TBCK: variants seen among roughly 807,000 people sequenced by gnomAD.
TBCK encodes TBC domain-containing protein kinase-like protein.
TBCK carries 99 observed loss-of-function variants against 113.4 expected under a neutral mutation model. That is an observed-to-expected ratio of 0.87 (90% CI 0.74 to 1.03). TBCK has a LOEUF of 1.03. Ranked by LOEUF, TBCK falls within the 50% of genes least tolerant of loss-of-function variation. TBCK has a pLI of 0.00. For missense variants in TBCK, 1,045 were observed against 1,061.3 expected, an observed-to-expected ratio of 0.98 and a Z score of 0.21; for synonymous variants, 369 against 370.8, an observed-to-expected ratio of 1.00 and a Z score of 0.05.
intron 5 of TBCK, among the ~76,000 whole-genome samples, chr4:106,256,691 C>A (rs1191860992): frequency 6.6e-6 from 1 of 152,144 alleles, no homozygotes; most frequent in Non-Finnish European, 1.5e-5. Context: ...CTCCTGCCTG[C>A]TCCTGGCCCC....
chr4:106,074,053 C>T (rs1737861178), intron 25 of TBCK, among the ~76,000 whole-genome samples: 1 of 152,186 alleles, frequency 6.6e-6, no homozygotes, highest in South Asian at 2.1e-4. Context: ...GGAAATCCCC[C>T]AACCCCCTGC....
At chr4:106,086,312 A>C (rs938419181) in intron 25 of TBCK, among the ~76,000 whole-genome samples, 11 of 152,226 alleles carry the variant, frequency 7.2e-5, no homozygotes, top group African/African-American at 2.7e-4. Context: ...ATCTCTATGC[A>C]AAGAAACTAG....
At chr4:106,195,307 T>C (rs1754085158) in intron 20 of TBCK, among the ~76,000 whole-genome samples, 1 of 152,120 alleles carries the variant, frequency 6.6e-6, no homozygotes, top group South Asian at 2.1e-4. Flanking sequence ...TCACAGAATG[T>C]CTTTATTTCA....
intron 3 of TBCK, among the ~76,000 whole-genome samples, chr4:106,265,320 T>C (rs1199226652): frequency 6.6e-6 from 1 of 151,950 alleles, no homozygotes; most frequent in Non-Finnish European, 1.5e-5. Flanking sequence ...ACAAAATGAG[T>C]AATAATCACA....
chr4:106,213,934 G>C (rs1255043127), intron 19 of TBCK, among the ~76,000 whole-genome samples: 2 of 152,182 alleles, frequency 1.3e-5, no homozygotes, highest in Admixed American at 1.3e-4. Context: ...CAAACAAAAA[G>C]ACAGCAGTAA....
chr4:106,192,970 C>T (rs1399946752), intron 22 of TBCK, among the ~76,000 whole-genome samples: 1 of 152,098 alleles, frequency 6.6e-6, no homozygotes, highest in Non-Finnish European at 1.5e-5. Context: ...TTAGTTACAT[C>T]CTAGGTAACG....
At position 106,304,607 on chromosome 4, in the gene TBCK, AT is replaced by A. The variant is rs376506517; in HGVS notation, c.193+4160del. ...CCAAATTTATAGTCCAACTAAAAAA[AT>A]ATTAATATTACTAACCTCAAATCTT... On this transcript the variant is annotated intron_variant, in intron 2 of 25. Coordinates refer to ENST00000394708, the MANE Select transcript of TBCK (RefSeq NM_001163435.3). Among the ~76,000 whole-genome samples, 23 of 152,314 alleles carry A rather than the reference AT, an allele frequency of 1.5e-4. No homozygotes were observed. In the East Asian group the frequency reaches 3.9e-3, roughly 26 times the overall value.
intron 23 of TBCK, among the ~76,000 whole-genome samples, chr4:106,144,316 G>A (rs1052006332): frequency 6.6e-6 from 1 of 152,178 alleles, no homozygotes; most frequent in African/African-American, 2.4e-5. Context: ...AGTAAGTTGA[G>A]TCTGGAAAAT....
At chr4:106,102,279 G>T (rs1427575398) in intron 24 of TBCK, among the ~76,000 whole-genome samples, 1 of 152,148 alleles carries the variant, frequency 6.6e-6, no homozygotes, top group African/African-American at 2.4e-5. Flanking sequence ...ATTGGGGTTT[G>T]GGTAGTTCCC....
At chr4:106,212,691 C>T (rs1756293128) in intron 20 of TBCK, 59 bp downstream of exon 20, 3 of 1,241,126 alleles carry the variant, frequency 2.4e-6, no homozygotes, top group Non-Finnish European at 2.3e-6. Flanking sequence ...CTCTTCTGTG[C>T]TAATAATTTC....
chr4:106,219,331 C>T (rs1296630754), intron 19 of TBCK, among the ~76,000 whole-genome samples: 6 of 148,900 alleles, frequency 4.0e-5, no homozygotes, highest in African/African-American at 7.5e-5. Context: ...GTAACTAACC[C>T]GCACAATGTG....
chr4:106,212,294 C>T (rs1579255565), intron 20 of TBCK, among the ~76,000 whole-genome samples: 3 of 152,210 alleles, frequency 2.0e-5, no homozygotes, highest in Middle Eastern at 3.4e-3. Flanking sequence ...GGCTAAGTCA[C>T]GCTACAGCTA....
intron 25 of TBCK, among the ~76,000 whole-genome samples, chr4:106,087,697 A>G (rs1284761541): frequency 1.3e-5 from 2 of 152,262 alleles, no homozygotes; most frequent in African/African-American, 4.8e-5. Context: ...ACATGGCTAC[A>G]GTGACCAAAA....
chr4:106,272,658 A>AT (rs983331556), intron 3 of TBCK, among the ~76,000 whole-genome samples: 24 of 147,920 alleles, frequency 1.6e-4, no homozygotes, highest in African/African-American at 4.0e-4. Flanking sequence ...CACCCAGCTA[A>AT]TTTTTTTTTT....
rs199945014 is a variant in TBCK at position 106,156,212 on chromosome 4, T to TA, written c.2235+14882dup. Among the ~76,000 whole-genome samples the TA allele has an allele frequency of 3.7e-3, 566 of 150,992 alleles. 1 individual carries two copies. The highest frequency in any genetic ancestry group is 9.5e-3 in the African/African-American group (390 of 41,192). ...GTTGTTCTTTCCCCTTACTTTCTCCTAAAAAAAAATAGAGCCTCTTTCTCT... is the reference window on the plus strand; with the variant it reads ...GTTGTTCTTTCCCCTTACTTTCTCCTAAAAAAAAAATAGAGCCTCTTTCTCT... On this transcript the variant is annotated intron_variant, in intron 23 of 25. Coordinates refer to ENST00000394708, the MANE Select transcript of TBCK (RefSeq NM_001163435.3).
intron 1 of TBCK, 125 bp from the exon 2 acceptor site, chr4:106,309,114 G>A (rs772082848): frequency 1.8e-6 from 1 of 544,594 alleles, no homozygotes; most frequent in Non-Finnish European, 3.1e-6. Flanking sequence ...AAATATCAAA[G>A]TATAAGAAAA....
chr4:106,116,975 C>G (rs954633632), intron 23 of TBCK, among the ~76,000 whole-genome samples: 2 of 125,304 alleles, frequency 1.6e-5, no homozygotes, highest in Admixed American at 7.5e-5. Flanking sequence ...TGAAATCATC[C>G]CCCCCCCATC....
At chr4:106,305,666 C>T (rs1241259825) in intron 2 of TBCK, among the ~76,000 whole-genome samples, 1 of 152,098 alleles carries the variant, frequency 6.6e-6, no homozygotes, top group Non-Finnish European at 1.5e-5. Context: ...TACTGGGCTG[C>T]ATTCCTAAGA....
intron 12 of TBCK, 77 bp from the exon 13 acceptor site, chr4:106,236,885 A>T: frequency 1.3e-6 from 1 of 770,982 alleles, no homozygotes; most frequent in Non-Finnish European, 2.0e-6. Context: ...AAAGACAAGT[A>T]ATATAACAAC....
Sources: gnomAD v4.1 joint callset for allele counts (sites outside exome capture counted in the v4.1 genomes callset) on GRCh38, gnomAD v4.1.1 for gene constraint, MANE v1.5 for transcripts, NCBI Gene and HGNC (gene_info 2026-07-23, HGNC 2026-07-21) for gene names.